Variants in NDST4 observed in about 807,000 individuals in gnomAD.
The protein encoded by NDST4 is N-deacetylase and N-sulfotransferase 4, also known as N-heparan sulfate sulfotransferase 4.
A neutral mutation model predicts 100.8 loss-of-function variants in NDST4; 63 were observed. That is an observed-to-expected ratio of 0.62 (90% CI 0.51 to 0.77). NDST4 has a LOEUF of 0.77. Ranked by LOEUF, NDST4 falls within the 30% of genes least tolerant of loss-of-function variation. The pLI is 0.00. For missense variants in NDST4, 943 were observed against 1,018.4 expected (o/e 0.93, Z 1.01); for synonymous variants, 377 against 361.8 (o/e 1.04, Z -0.48).
chr4:114,879,159 C>A (rs1466230863), intron 6 of NDST4, among the ~76,000 whole-genome samples: 1 of 151,950 alleles, frequency 6.6e-6, no homozygotes, highest in East Asian at 1.9e-4. Flanking sequence ...AAATATTTAC[C>A]TTTCTTTGTG....
At chr4:115,105,150 C>T (rs759885863) in intron 1 of NDST4, among the ~76,000 whole-genome samples, 17 of 152,112 alleles carry the variant, frequency 1.1e-4, no homozygotes, top group Non-Finnish European at 2.2e-4. Flanking sequence ...ACAATATTAT[C>T]TCATCTTTAA....
rs182540844 is a variant in NDST4, at chr4:114,946,795, T to C, written c.1222-9292A>G. ...ATGCGGCAACACTGAAGAGAAGGAATGGGTACAGATCTTTTAGGTTTTTAC... is the reference window on the plus strand; with the variant it reads ...ATGCGGCAACACTGAAGAGAAGGAACGGGTACAGATCTTTTAGGTTTTTAC... On this transcript the variant is annotated intron_variant, in intron 4 of 13. Transcript: ENST00000264363. Among the ~76,000 whole-genome samples the C allele has an allele frequency of 4.2e-3, 636 of 152,292 alleles. 11 individuals are homozygous for C. The highest frequency in any genetic ancestry group is 0.017 in the Middle Eastern group (5 of 294).
At chr4:114,901,998 A>G (rs1263065008) in intron 6 of NDST4, among the ~76,000 whole-genome samples, 1 of 152,072 alleles carries the variant, frequency 6.6e-6, no homozygotes, top group East Asian at 1.9e-4. Context: ...TATTTCAGTC[A>G]TTTACTAGAC....
intron 6 of NDST4, among the ~76,000 whole-genome samples, chr4:114,907,577 T>C (rs1724978692): frequency 6.6e-6 from 1 of 152,156 alleles, no homozygotes; most frequent in Non-Finnish European, 1.5e-5. Flanking sequence ...CAATCTAATA[T>C]GCACACTTAA....
At chr4:114,995,149 G>A (rs1307464730) in intron 2 of NDST4, among the ~76,000 whole-genome samples, 5 of 151,930 alleles carry the variant, frequency 3.3e-5, no homozygotes, top group South Asian at 2.1e-4. Flanking sequence ...CACCTAAGCC[G>A]AGTAGAAAGC....
chr4:114,868,160 A>G (rs1368761739), intron 7 of NDST4, among the ~76,000 whole-genome samples: 1 of 152,216 alleles, frequency 6.6e-6, no homozygotes, highest in East Asian at 1.9e-4. Context: ...AACATGAAAT[A>G]TACTGAATAA....
chr4:115,023,060 G>A (rs1217999992), intron 2 of NDST4, among the ~76,000 whole-genome samples: 2 of 152,178 alleles, frequency 1.3e-5, no homozygotes, highest in African/African-American at 2.4e-5. Flanking sequence ...GCATAAAAAT[G>A]ACACAGTGGA....
chr4:114,946,610 G>A (rs1725871333), intron 4 of NDST4, among the ~76,000 whole-genome samples: 2 of 152,154 alleles, frequency 1.3e-5, no homozygotes, highest in Admixed American at 1.3e-4. Flanking sequence ...CTGAAGAATA[G>A]CAAGAATTCT....
intron 12 of NDST4, among the ~76,000 whole-genome samples, 176 bp downstream of exon 12, chr4:114,833,430 T>A (rs548346610): frequency 1.3e-5 from 2 of 152,368 alleles, no homozygotes; most frequent in South Asian, 4.1e-4. Flanking sequence ...ATAAAGTATT[T>A]CTCATATTTA....
At chr4:114,972,273 A>G (rs1019384765) in intron 3 of NDST4, among the ~76,000 whole-genome samples, 1 of 152,024 alleles carries the variant, frequency 6.6e-6, no homozygotes, top group African/African-American at 2.4e-5. Context: ...AGTATATAGC[A>G]ACTTCTTTCT....
intron 2 of NDST4, among the ~76,000 whole-genome samples, chr4:115,023,570 A>G (rs1033964725): frequency 7.2e-5 from 11 of 152,060 alleles, no homozygotes; most frequent in Non-Finnish European, 8.8e-5. Context: ...AAATTAATAA[A>G]TCACATACAG....
At chr4:115,099,677 G>A (rs1438945577) in intron 1 of NDST4, among the ~76,000 whole-genome samples, 1 of 152,062 alleles carries the variant, frequency 6.6e-6, no homozygotes, top group Non-Finnish European at 1.5e-5. Context: ...ATGCTGGGGA[G>A]GACATAGAGC....
chr4:115,076,485 A>C lies in NDST4; in HGVS notation c.552T>G (p.Leu184=). The part of the protein sequence containing the change: ...STQLKGFPLN[L]FNNLALKDCF... ...AGTCCTTTAGAGCTAGATTATTGAA[A>C]AGGTTTAACGGAAAGCCTTTTAATT... Residue 184 remains leucine (L), a synonymous_variant, in exon 2 of 14, where the codon CTT becomes CTG. Transcript: ENST00000264363. 1.2e-6 allele frequency: 2 copies of C among 1,613,996 alleles called. No individual in the cohort carries two copies. Among genetic ancestry groups the C allele is most frequent in the Non-Finnish European group, 1.7e-6 (2 of 1,179,966 alleles).
At chr4:114,902,597 G>A (rs1197872273) in intron 6 of NDST4, among the ~76,000 whole-genome samples, 1 of 151,904 alleles carries the variant, frequency 6.6e-6, no homozygotes, top group African/African-American at 2.4e-5. Context: ...CTGGATCTCT[G>A]GTTTGGTGTT....
chr4:114,990,112 T>G (rs1291365657), intron 2 of NDST4, among the ~76,000 whole-genome samples: 1 of 152,096 alleles, frequency 6.6e-6, no homozygotes, highest in East Asian at 1.9e-4. Context: ...GAAGAAAAGA[T>G]GATAGAATGA....
chr4:115,110,157 G>C (rs962957007), intron 1 of NDST4, among the ~76,000 whole-genome samples: 1 of 151,898 alleles, frequency 6.6e-6, no homozygotes, highest in Admixed American at 6.6e-5. Flanking sequence ...CTTGGAAATA[G>C]AACTATATCT....
chr4:115,015,411 A>G (rs1046614750), intron 2 of NDST4, among the ~76,000 whole-genome samples: 1 of 152,064 alleles, frequency 6.6e-6, no homozygotes, highest in Non-Finnish European at 1.5e-5. Flanking sequence ...AACTTCAAAC[A>G]TTTCATCTAG....
chr4:114,915,462 TAAC>T (rs1214436363), intron 6 of NDST4, among the ~76,000 whole-genome samples: 2 of 152,198 alleles, frequency 1.3e-5, no homozygotes, highest in Non-Finnish European at 2.9e-5. Flanking sequence ...ATAATCTTGT[TAAC>T]AGTCAAAATG....
At chr4:115,063,506 A>C (rs1365205591) in intron 2 of NDST4, among the ~76,000 whole-genome samples, 1 of 151,964 alleles carries the variant, frequency 6.6e-6, no homozygotes, top group Non-Finnish European at 1.5e-5. Flanking sequence ...AAGGAGCATG[A>C]AAATAGCAAA....
Sources: allele counts gnomAD v4.1 joint callset (sites outside exome capture counted in the v4.1 genomes callset), GRCh38; gene constraint gnomAD v4.1.1; transcripts MANE v1.5; gene names NCBI Gene and HGNC (gene_info 2026-07-23, HGNC 2026-07-21).